Variants in IL1RAPL2 observed in about 807,000 individuals in gnomAD.
The protein encoded by IL1RAPL2 is interleukin 1 receptor accessory protein like 2.
A neutral mutation model predicts 44.1 loss-of-function variants in IL1RAPL2; 3 were observed. The ratio of observed to expected loss-of-function variants is 0.07; its 90% confidence interval spans 0.03 to 0.18. IL1RAPL2 has a LOEUF of 0.18. Among genes scored for constraint, IL1RAPL2 ranks in the 10% least tolerant of loss-of-function variants. The pLI is 1.00. For synonymous variants in IL1RAPL2, 181 were observed against 178.8 expected (o/e 1.01, Z -0.10); for missense variants, 391 against 496.4 (o/e 0.79, Z 2.02).
At chrX:105,334,623 A>G (rs781714581) in intron 5 of IL1RAPL2, among the ~76,000 whole-genome samples, 1 of 111,929 alleles carries the variant, frequency 8.9e-6, no homozygotes, top group South Asian at 3.7e-4. Flanking sequence ...CATGTATCCC[A>G]TGAATATATA....
At chrX:104,951,989 C>T (rs1040738066) in intron 2 of IL1RAPL2, among the ~76,000 whole-genome samples, 2 of 112,237 alleles carry the variant, frequency 1.8e-5, no homozygotes, top group Non-Finnish European at 3.8e-5. Flanking sequence ...GCCTTGACAA[C>T]ATGTTCCAAT....
intron 2 of IL1RAPL2, among the ~76,000 whole-genome samples, chrX:104,762,786 C>T (rs1466046553): frequency 9.0e-6 from 1 of 111,726 alleles, no homozygotes; most frequent in Non-Finnish European, 1.9e-5. Context: ...CTGAGCTCTG[C>T]ATTGGCCCCT....
intron 2 of IL1RAPL2, among the ~76,000 whole-genome samples, chrX:104,775,190 C>G (rs1395121454): frequency 8.9e-6 from 1 of 112,423 alleles, no homozygotes; most frequent in Non-Finnish European, 1.9e-5. Flanking sequence ...GTTCCAACAG[C>G]TGGGTATTAA....
intron 6 of IL1RAPL2, among the ~76,000 whole-genome samples, chrX:105,597,204 G>C (rs1307367443): frequency 8.9e-6 from 1 of 111,815 alleles, no homozygotes; most frequent in Non-Finnish European, 1.9e-5. Context: ...CAGTGTACCT[G>C]AATAGACATT....
chrX:104,836,717 A>AT (rs1474469554), intron 2 of IL1RAPL2, among the ~76,000 whole-genome samples: 1 of 111,210 alleles, frequency 9.0e-6, no homozygotes, highest in Non-Finnish European at 1.9e-5. Flanking sequence ...ACAATTCTTT[A>AT]TTTTTTATTT....
intron 2 of IL1RAPL2, among the ~76,000 whole-genome samples, chrX:105,107,467 A>G (rs1420533628): frequency 1.8e-5 from 2 of 112,562 alleles, no homozygotes; most frequent in Non-Finnish European, 3.7e-5. Context: ...TTTTTTCAGT[A>G]TAAGACACAA....
At chrX:105,136,714 C>T (rs758840379) in intron 2 of IL1RAPL2, among the ~76,000 whole-genome samples, 3 of 112,269 alleles carry the variant, frequency 2.7e-5, no homozygotes, top group Admixed American at 9.5e-5. Flanking sequence ...TGTCTTCTAA[C>T]TCCTCTTCAT....
intron 6 of IL1RAPL2, among the ~76,000 whole-genome samples, chrX:105,649,324 A>T (rs1480463892): frequency 9.0e-6 from 1 of 110,779 alleles, no homozygotes; most frequent in Non-Finnish European, 1.9e-5. Flanking sequence ...ATAGAGAAAG[A>T]CTGCTAACCA....
intron 2 of IL1RAPL2, among the ~76,000 whole-genome samples, chrX:105,118,002 T>C (rs867819693): frequency 9.0e-6 from 1 of 111,597 alleles, no homozygotes; most frequent in Admixed American, 9.4e-5. Context: ...AGAATAAAGA[T>C]AGAAATAAAC....
intron 5 of IL1RAPL2, among the ~76,000 whole-genome samples, chrX:105,451,720 A>G (rs1413030923): frequency 8.9e-6 from 1 of 111,858 alleles, no homozygotes; most frequent in Non-Finnish European, 1.9e-5. Flanking sequence ...TGCAAGCATA[A>G]TATCTATAAA....
chrX:105,436,934 T>G (rs1218087128), intron 5 of IL1RAPL2, among the ~76,000 whole-genome samples: 1 of 108,580 alleles, frequency 9.2e-6, no homozygotes, highest in Admixed American at 1.0e-4. Flanking sequence ...TAAAAATAAG[T>G]GTCTTGAAAT....
intron 5 of IL1RAPL2, among the ~76,000 whole-genome samples, chrX:105,424,574 C>T (rs747841847): frequency 6.4e-5 from 7 of 108,547 alleles, no homozygotes; most frequent in South Asian, 8.4e-4. Flanking sequence ...ATACAGAGGA[C>T]GTACATTGAA....
chrX:105,596,627 T>C (rs2037212153), intron 6 of IL1RAPL2, among the ~76,000 whole-genome samples: 2 of 111,843 alleles, frequency 1.8e-5, no homozygotes, highest in South Asian at 7.4e-4. Context: ...AGAATGTTCA[T>C]TCTACTGCTG....
chrX:105,451,511 T>A (rs1262104943), intron 5 of IL1RAPL2, among the ~76,000 whole-genome samples: 1 of 112,089 alleles, frequency 8.9e-6, no homozygotes, highest in Non-Finnish European at 1.9e-5. Flanking sequence ...AGACAGATAT[T>A]AAAGTGTTAA....
At chrX:104,961,611 A>G (rs1827398183) in intron 2 of IL1RAPL2, among the ~76,000 whole-genome samples, 1 of 111,369 alleles carries the variant, frequency 9.0e-6, no homozygotes, top group Non-Finnish European at 1.9e-5. Context: ...CCTCTACCCC[A>G]TTCCTCCAAG....
intron 2 of IL1RAPL2, among the ~76,000 whole-genome samples, chrX:105,009,685 C>T (rs2031013907): frequency 1.8e-5 from 2 of 108,846 alleles, no homozygotes; most frequent in African/African-American, 6.7e-5. Context: ...ACCAACATGG[C>T]ACATGTATAC....
chrX:105,635,090 C>A (rs1345393947), intron 6 of IL1RAPL2, among the ~76,000 whole-genome samples: 2 of 111,477 alleles, frequency 1.8e-5, no homozygotes, highest in African/African-American at 6.5e-5. Flanking sequence ...CCAATACCAG[C>A]AAAACCGTAT....
intron 4 of IL1RAPL2, among the ~76,000 whole-genome samples, chrX:105,256,018 A>C (rs56788171): frequency 8.9e-6 from 1 of 112,021 alleles, no homozygotes; most frequent in African/African-American, 3.2e-5. Flanking sequence ...TGATCATGGT[A>C]TATTAACTTT....
At position 104,582,618 on chromosome X, in the gene IL1RAPL2, T is replaced by C. The variant is rs867483481; in HGVS notation, c.-20+15567T>C. 3.7e-3 allele frequency among the ~76,000 whole-genome samples: 290 copies of C among 78,623 alleles called. 3 individuals are homozygous for C. The highest frequency in any genetic ancestry group is 0.015 in the African/African-American group (279 of 18,101). 68.3% of individuals were successfully genotyped at this position (78,623 alleles called of 115,157 possible). On this transcript the variant is annotated intron_variant, in intron 1 of 10. Transcript: ENST00000372582. ...TCTTTTTCTTTCTTTCTTTCTTTCT[T>C]TCTTTCTTTCTTTCTTTCTTTCTCT...
Sources: gnomAD v4.1 joint callset for allele counts (sites outside exome capture counted in the v4.1 genomes callset) on GRCh38, gnomAD v4.1.1 for gene constraint, MANE v1.5 for transcripts, NCBI Gene and HGNC (gene_info 2026-07-23, HGNC 2026-07-21) for gene names.